Variants in ZNF814 observed in about 807,000 individuals in gnomAD.
The protein encoded by ZNF814 is zinc finger protein 814.
Under a neutral mutation model 7.5 loss-of-function variants are expected in ZNF814, and 5 were observed. The ratio of observed to expected loss-of-function variants is 0.67; its 90% CI spans 0.35 to 1.40. The LOEUF (loss-of-function observed/expected upper bound fraction) is 1.40, where lower values mean the gene tolerates loss of function less well. Among genes scored for constraint, ZNF814 ranks in the 40% most tolerant of loss-of-function variants. The pLI is 0.04. For synonymous variants in ZNF814, 315 were observed against 340.7 expected, an observed-to-expected ratio of 0.92 and a Z score of 0.83; for missense variants, 962 against 1,018.0, an observed-to-expected ratio of 0.94 and a Z score of 0.75.
At position 57,888,841 on chromosome 19, in the gene ZNF814, C is replaced by A. The variant is rs1295783879; in HGVS notation, c.-39G>T. The A allele has an allele frequency of 5.2e-6, 8 of 1,550,852 alleles. No homozygotes were observed. The African/African-American group carries it at 1.1e-4, about 21-fold the overall frequency. ...TTTAAGCAGAGTCGGGAGGATAGGG[C>A]GACCAGCCAGGAGATATGGGCACGA... On this transcript the variant is annotated 5_prime_UTR_variant, in exon 1 of 3. Transcript: ENST00000435989.
intron 1 of ZNF814, chr19:57,885,985 A>AC (rs1457051811): frequency 1.3e-5 from 2 of 151,342 alleles, no homozygotes; most frequent in African/African-American, 4.8e-5. Flanking sequence ...CAAAAAAAAA[A>AC]AAACAAAAAA....
chr19:57,900,715 C>T, the ZNF814 span, among the ~76,000 whole-genome samples: 1 of 151,816 alleles, frequency 6.6e-6, no homozygotes. Flanking sequence ...ATCTGGGCCA[C>T]ATATCAAACA....
intron 1 of ZNF814, among the ~76,000 whole-genome samples, chr19:57,883,419 T>C (rs1356336371): frequency 6.6e-6 from 1 of 151,196 alleles, no homozygotes; most frequent in Non-Finnish European, 1.5e-5. Context: ...TCCCAGCACT[T>C]TGGGAGGCCA....
rs567660556 is a variant in ZNF814, at chr19:57,875,943, C to CTT, written c.164-719_164-718dup. 5.5e-3 allele frequency among the ~76,000 whole-genome samples: 392 copies of CTT among 71,352 alleles called. 35 individuals carry two copies. The highest frequency in any genetic ancestry group is 7.0e-3 in the Non-Finnish European group (261 of 37,354). The allele number at this position is 71,352 out of a possible 152,430, so 46.8% of individuals were successfully genotyped here. ...CTCCATGACCTCCTCCAGGGTGCCG[C>CTT]TTTTTTTTTTTTTTTTTTTTTTTTT... On this transcript the variant is annotated intron_variant, in intron 2 of 2. Coordinates refer to ENST00000435989, the MANE Select transcript of ZNF814 (RefSeq NM_001144989.2).
intron 1 of ZNF814, among the ~76,000 whole-genome samples, chr19:57,877,880 T>C (rs1037856547): frequency 1.3e-5 from 2 of 152,130 alleles, no homozygotes; most frequent in African/African-American, 4.8e-5. Context: ...ATCAATTGTA[T>C]TGAGCCAGGC....
chr19:57,898,424 G>C, the ZNF814 span, among the ~76,000 whole-genome samples: 3 of 152,188 alleles, frequency 2.0e-5, no homozygotes, highest in Admixed American at 6.5e-5. Context: ...AGAACTAAAA[G>C]GGCGAACAGA....
In ZNF814 at chr19:57,873,747, TAA is replaced by T; in HGVS notation, c.1641_1642del (p.Tyr548Ter). 3 of 1,613,548 alleles carry T rather than the reference TAA, an allele frequency of 1.9e-6. No individual in the cohort carries two copies. The highest frequency in any genetic ancestry group is 1.7e-6 in the Non-Finnish European group (2 of 1,179,766). On this transcript the variant is annotated frameshift_variant, in exon 3 of 3. Coordinates refer to ENST00000435989, the MANE Select transcript of ZNF814 (RefSeq NM_001144989.2). LOFTEE classifies it low-confidence loss of function (END_TRUNC). ...AGATTTCCCACACTCTCCACACTCA[TAA>T]AGTCTGTCCCCAGTGTGAATTTGCT...
rs766624503 is a variant in ZNF814, at chr19:57,874,882, A to G, written c.508T>C (p.Ser170Pro). The change falls in exon 3 of 3, where the codon TCT (serine) becomes CCT (proline). Residue 170 changes from serine to proline, a missense_variant. Transcript: ENST00000435989. The part of the protein sequence containing the change: ...RCKLHVSGES[S>P]VFSESGKDFL... ...TCCTTCCCACTCTCACTGAAGACAGATGACTCCCCTGACACATGCAACTTA... is the reference window on the plus strand; with the variant it reads ...TCCTTCCCACTCTCACTGAAGACAGGTGACTCCCCTGACACATGCAACTTA... 2 of 1,614,084 alleles carry G rather than the reference A, an allele frequency of 1.2e-6. No individual in the cohort carries two copies. Among genetic ancestry groups the G allele is most frequent in the South Asian group, 1.1e-5 (1 of 91,086 alleles).
Position 57,872,869 on chromosome 19 carries a change from ACTT to A in ZNF814, c.2518_2520del (p.Lys840del). The A allele has an allele frequency of 6.2e-7, 1 of 1,612,634 alleles. No individual in the cohort carries two copies. The highest frequency in any genetic ancestry group is 8.5e-7 in the Non-Finnish European group (1 of 1,179,438). On this transcript the variant is annotated inframe_deletion, in exon 3 of 3. Coordinates refer to ENST00000435989, the MANE Select transcript of ZNF814 (RefSeq NM_001144989.2). ...GAACTCTGGTGTACAAGGAGGTGAGACTTCTTGTTAAATAATTTCCCACATTTC... is the reference window on the plus strand; with the variant it reads ...GAACTCTGGTGTACAAGGAGGTGAGACTTGTTAAATAATTTCCCACATTTC...
chr19:57,891,901 G>A (rs910195559), upstream of ZNF814, among the ~76,000 whole-genome samples: 7 of 151,948 alleles, frequency 4.6e-5, no homozygotes, highest in African/African-American at 1.2e-4. Flanking sequence ...CTACAGGTGC[G>A]CACCACTATG....
intron 1 of ZNF814, among the ~76,000 whole-genome samples, chr19:57,883,506 C>CA (rs1396073028): frequency 6.6e-6 from 1 of 150,448 alleles, no homozygotes; most frequent in Non-Finnish European, 1.5e-5. Flanking sequence ...ACTAAAAATA[C>CA]AAAAATTAGC....
Position 57,872,639 on chromosome 19 carries a change from C to T in ZNF814, c.*183G>A. The T allele has an allele frequency of 6.8e-7, 1 of 1,469,224 alleles. No individual in the cohort carries two copies. Among genetic ancestry groups the T allele is most frequent in the Non-Finnish European group, 9.3e-7 (1 of 1,069,620 alleles). The allele number at this position is 1,469,224 out of a possible 1,614,324, so 91.0% of individuals were successfully genotyped here. On this transcript the variant is annotated 3_prime_UTR_variant, in exon 3 of 3. Coordinates refer to ENST00000435989, the MANE Select transcript of ZNF814 (RefSeq NM_001144989.2). Reference sequence around the variant, plus strand: ...CTGAAAGTTTCAGCAAAGGATTTCCCACATTCACTGCACTCATAAGGTGGT... The same window carrying T: ...CTGAAAGTTTCAGCAAAGGATTTCCTACATTCACTGCACTCATAAGGTGGT...
At chr19:57,901,644 C>A in the ZNF814 span, 3 of 398,642 alleles carry the variant, frequency 7.5e-6, no homozygotes, top group East Asian at 1.1e-4. Context: ...AGGAAAAGAC[C>A]AAGAATACTC....
chr19:57,873,308 T>C lies in ZNF814; in HGVS notation c.2082A>G (p.Gly694=). ...GGTGAGACTTCTTCTTAAATAATTT[T>C]CCACATTCCCTACATACATAAGGTC... is the stretch of plus-strand genomic sequence containing the variant. ...GERPYVCREC[G]KLFKKKSHLL... is the part of the protein sequence containing the mutation. The change falls in exon 3 of 3, where the codon GGA becomes GGG. Residue 694 remains glycine (G), a synonymous_variant. Transcript: ENST00000435989. 2 of 1,588,978 alleles carry C rather than the reference T, an allele frequency of 1.3e-6. No homozygotes were observed. The highest frequency in any genetic ancestry group is 1.7e-6 in the Non-Finnish European group (2 of 1,167,024).
At chr19:57,890,233 C>T (rs117595309), upstream of ZNF814, among the ~76,000 whole-genome samples, 186 of 152,222 alleles carry the variant, frequency 1.2e-3, 3 homozygotes, top group East Asian at 0.033. Flanking sequence ...AGGGAAATTG[C>T]AAAAGAAAAA....
rs1383198368 is a variant in ZNF814 at position 57,874,329 on chromosome 19, C to T, written c.1061G>A (p.Cys354Tyr). Residue 354 changes from cysteine (C) to tyrosine (Y), a missense_variant, in exon 3 of 3, where the codon TGT (cysteine) becomes TAT (tyrosine). Physicochemically the swap from Cys to Tyr is radical, Grantham distance 194. Transcript: ENST00000435989. ...GCTAAAGGATTTCCCACATTCTCCA[C>T]ATTCATAATGTTTTTTTTCAGTGTG... ...RVHTEKKHYECGECGKSFSKY... is the reference protein window; with the variant it reads ...RVHTEKKHYEYGECGKSFSKY... 6.2e-7 allele frequency: 1 copy of T among 1,607,514 alleles called. No individual in the cohort carries two copies. Among genetic ancestry groups the T allele is most frequent in the Non-Finnish European group, 8.5e-7 (1 of 1,176,626 alleles).
chr19:57,893,243 G>A (rs542958398), upstream of ZNF814, among the ~76,000 whole-genome samples: 27 of 148,104 alleles, frequency 1.8e-4, 1 homozygote, highest in South Asian at 1.1e-3. Flanking sequence ...GTGTGATTTC[G>A]GCTCACTGCA....
chr19:57,872,954 G>A lies in ZNF814; in HGVS notation c.2436C>T (p.Ser812=). 6.2e-7 allele frequency: 1 copy of A among 1,613,318 alleles called. No individual in the cohort carries two copies. Among genetic ancestry groups the A allele is most frequent in the South Asian group, 1.1e-5 (1 of 91,028 alleles). The change falls in exon 3 of 3, where the codon AGC becomes AGT. Residue 812 remains serine (S), a synonymous_variant. Transcript: ENST00000435989. ...CSECGKSFAE[S]SSLTKHKRVH... ...CTCTCTTGTGTTTAGTGAGACTGGA[G>A]CTTTCAGCAAAAGATTTTCCACATT...
rs2071542468 is a variant in ZNF814, at chr19:57,869,942, C to CAAAAAAAAAATAAAAAAAAAAAAA, written c.*2879_*2880insTTTTTTTTTTTTTATTTTTTTTTT. 7.5e-6 allele frequency: 1 copy of CAAAAAAAAAATAAAAAAAAAAAAA among 133,384 alleles called. No individual in the cohort carries two copies. Among genetic ancestry groups the CAAAAAAAAAATAAAAAAAAAAAAA allele is most frequent in the African/African-American group, 3.0e-5 (1 of 33,364 alleles). The allele number at this position is 133,384 out of a possible 1,614,324, so 8.3% of individuals were successfully genotyped here. A position where few individuals can be genotyped will look rare whatever the true frequency, so the allele number is the denominator to read the frequency against. Reference sequence around the variant, plus strand: ...CCTGGCTGACAGTGAGACTCTGTCTCAAAAAAAAAAAAAAAAGGTTGGGCA... The same window carrying CAAAAAAAAAATAAAAAAAAAAAAA: ...CCTGGCTGACAGTGAGACTCTGTCTCAAAAAAAAAATAAAAAAAAAAAAAAAAAAAAAAAAAAAAAGGTTGGGCA... On this transcript the variant is annotated 3_prime_UTR_variant, in exon 3 of 3. Transcript: ENST00000435989.
Sources: gnomAD v4.1 joint callset for allele counts (sites outside exome capture counted in the v4.1 genomes callset) on GRCh38, gnomAD v4.1.1 for gene constraint, MANE v1.5 for transcripts, NCBI Gene and HGNC (gene_info 2026-07-23, HGNC 2026-07-21) for gene names.